Variants in HSDL2 observed in about 807,000 individuals in gnomAD.
The protein encoded by HSDL2 is hydroxysteroid dehydrogenase like 2.
Under a neutral mutation model 46.3 loss-of-function variants are expected in HSDL2, and 27 were observed. The ratio of observed to expected loss-of-function variants is 0.58; its 90% confidence interval spans 0.43 to 0.80. The LOEUF (loss-of-function observed/expected upper bound fraction) is 0.80, where lower values mean the gene tolerates loss of function less well. Ranked by LOEUF, HSDL2 falls within the 30% of genes least tolerant of loss-of-function variation. The pLI is 0.00. For synonymous variants in HSDL2, 153 were observed against 163.6 expected, an observed-to-expected ratio of 0.94 and a Z score of 0.50; for missense variants, 451 against 502.7, an observed-to-expected ratio of 0.90 and a Z score of 0.98.
chr9:112,435,304 A>G (rs1832501417), intron 6 of HSDL2, among the ~76,000 whole-genome samples: 1 of 152,140 alleles, frequency 6.6e-6, no homozygotes, highest in Non-Finnish European at 1.5e-5. Context: ...GTTTTTAAGG[A>G]TTCTTGTACA....
chr9:112,439,717 CTT>C (rs759974418), intron 7 of HSDL2, among the ~76,000 whole-genome samples: 3 of 152,236 alleles, frequency 2.0e-5, no homozygotes, highest in Non-Finnish European at 2.9e-5. Flanking sequence ...ACAAAGCACT[CTT>C]ATATGCATTA....
intron 9 of HSDL2, 111 bp from the exon 10 acceptor site, chr9:112,459,338 A>AT: frequency 8.2e-7 from 1 of 1,217,070 alleles, no homozygotes; most frequent in Non-Finnish European, 1.2e-6. Context: ...AGGTCTGGGG[A>AT]TTTTAACTTG....
At chr9:112,401,328 C>T (rs1439378988) in intron 1 of HSDL2, among the ~76,000 whole-genome samples, 1 of 151,052 alleles carries the variant, frequency 6.6e-6, no homozygotes, top group African/African-American at 2.4e-5. Context: ...TGTGGTAGTG[C>T]ACGCCTGTAG....
rs1832010273 is a variant in HSDL2, at chr9:112,417,021, A to G, written c.499+77A>G. On this transcript the variant is annotated intron_variant, in intron 5 of 10. Coordinates refer to ENST00000398805, the MANE Select transcript of HSDL2 (RefSeq NM_032303.5). ...AATTAAATCTGTGTATGTCTGATGT[A>G]ATCACAATCTGCACATAACATTCAT... 9.9e-6 allele frequency: 6 copies of G among 604,842 alleles called. No homozygotes were observed. The South Asian group carries it at 1.4e-4, about 14-fold the overall frequency. The allele number at this position is 604,842 out of a possible 1,614,324, so 37.5% of individuals were successfully genotyped here. A position where few individuals can be genotyped will look rare whatever the true frequency, so the allele number is the denominator to read the frequency against.
At chr9:112,448,272 C>T (rs1233436294) in intron 8 of HSDL2, among the ~76,000 whole-genome samples, 2 of 151,418 alleles carry the variant, frequency 1.3e-5, no homozygotes, top group East Asian at 1.9e-4. Context: ...TATTTTAATA[C>T]ACTGACTTGA....
intron 10 of HSDL2, among the ~76,000 whole-genome samples, chr9:112,463,897 G>A (rs1833290861): frequency 1.3e-5 from 2 of 152,040 alleles, no homozygotes; most frequent in African/African-American, 2.4e-5. Flanking sequence ...CTGGCCTCGA[G>A]TGATCTACCC....
chr9:112,422,821 A>G (rs181671628), intron 6 of HSDL2, among the ~76,000 whole-genome samples: 3 of 152,378 alleles, frequency 2.0e-5, no homozygotes, highest in Admixed American at 2.0e-4. Flanking sequence ...TCAGAATTTC[A>G]AGGATAAAAA....
intron 1 of HSDL2, among the ~76,000 whole-genome samples, chr9:112,396,072 A>G (rs1195190622): frequency 6.6e-6 from 1 of 152,308 alleles, no homozygotes. Context: ...TCCTGGAACA[A>G]ACCCCATGTT....
chr9:112,391,298 C>G (rs1012052094), intron 1 of HSDL2, among the ~76,000 whole-genome samples: 2 of 143,328 alleles, frequency 1.4e-5, no homozygotes, highest in African/African-American at 5.5e-5. Context: ...AGACCCTGTC[C>G]CCCCCCAAAA....
intron 6 of HSDL2, among the ~76,000 whole-genome samples, chr9:112,436,220 G>A (rs1297850748): frequency 2.1e-5 from 3 of 142,564 alleles, no homozygotes; most frequent in Admixed American, 7.2e-5. Flanking sequence ...TTTGGCCTGG[G>A]TGACAGTGTG....
chr9:112,459,998 G>C (rs1833155661), intron 10 of HSDL2, among the ~76,000 whole-genome samples: 1 of 152,186 alleles, frequency 6.6e-6, no homozygotes, highest in African/African-American at 2.4e-5. Flanking sequence ...ACACATACCA[G>C]CCCTTGGCCA....
intron 6 of HSDL2, among the ~76,000 whole-genome samples, chr9:112,420,413 G>A (rs968325505): frequency 3.9e-5 from 6 of 151,954 alleles, no homozygotes; most frequent in African/African-American, 9.7e-5. Context: ...CCTCACTCCT[G>A]TAATCCTAGC....
chr9:112,406,160 CAAAAA>C (rs1364640663), intron 3 of HSDL2, among the ~76,000 whole-genome samples: 1 of 107,900 alleles, frequency 9.3e-6, no homozygotes, highest in Non-Finnish European at 2.0e-5. Context: ...GACTCTGTCT[CAAAAA>C]GAAAAAAAAA....
At chr9:112,407,124 A>G (rs1571638) in intron 3 of HSDL2, among the ~76,000 whole-genome samples, 42,154 of 152,100 alleles carry the variant, frequency 0.28, 6,012 homozygotes, top group Middle Eastern at 0.39. Context: ...CTTCCCTTAA[A>G]TCCAAAATCT....
At chr9:112,417,023 T>A in intron 5 of HSDL2, 79 bp downstream of exon 5, 1 of 593,370 alleles carries the variant, frequency 1.7e-6, no homozygotes, top group East Asian at 2.9e-5. Flanking sequence ...TCTGATGTAA[T>A]CACAATCTGC....
At chr9:112,405,771 T>C (rs1427008878) in intron 3 of HSDL2, 49 bp downstream of exon 3, 2 of 1,127,284 alleles carry the variant, frequency 1.8e-6, no homozygotes, top group African/African-American at 3.1e-5. Context: ...AAAATAAAGG[T>C]ATAACTATAA....
chr9:112,469,164 C>G (rs570527682), intron 10 of HSDL2, among the ~76,000 whole-genome samples: 1 of 152,138 alleles, frequency 6.6e-6, no homozygotes, highest in African/African-American at 2.4e-5. Context: ...ATCCTTTCTA[C>G]CTATAATAAC....
chr9:112,444,012 C>G (rs930565816), intron 8 of HSDL2, among the ~76,000 whole-genome samples: 4 of 152,240 alleles, frequency 2.6e-5, no homozygotes, highest in African/African-American at 9.6e-5. Context: ...ATAAGCAATG[C>G]TCTTACCCTT....
At chr9:112,390,965 C>G (rs1831328224) in intron 1 of HSDL2, among the ~76,000 whole-genome samples, 1 of 152,028 alleles carries the variant, frequency 6.6e-6, no homozygotes, top group Non-Finnish European at 1.5e-5. Context: ...CACTTGAGGT[C>G]AGGAGTTCAA....
Sources: gnomAD v4.1 joint callset for allele counts (sites outside exome capture counted in the v4.1 genomes callset) on GRCh38, gnomAD v4.1.1 for gene constraint, MANE v1.5 for transcripts, NCBI Gene and HGNC (gene_info 2026-07-23, HGNC 2026-07-21) for gene names.